XYLT1: variants seen among roughly 807,000 people sequenced by gnomAD.
XYLT1 encodes beta-D-xylosyltransferase 1.
In XYLT1, 36 loss-of-function variants were observed where a neutral mutation model predicts 91.3. The ratio of observed to expected loss-of-function variants is 0.39; its 90% CI spans 0.30 to 0.52. XYLT1 has a LOEUF of 0.52. Among genes scored for constraint, XYLT1 ranks in the 20% least tolerant of loss-of-function variants. The pLI, the probability that XYLT1 is intolerant of heterozygous loss-of-function variation, is 0.68. For missense variants in XYLT1, 1,242 were observed against 1,284.5 expected (o/e 0.97, Z 0.51); for synonymous variants, 588 against 532.0 (o/e 1.11, Z -1.45).
intron 1 of XYLT1, among the ~76,000 whole-genome samples, chr16:17,397,152 A>T (rs2035897074): frequency 6.6e-6 from 1 of 152,186 alleles, no homozygotes; most frequent in Admixed American, 6.5e-5. Context: ...GTGATCAGGG[A>T]AGGCTTCCTG....
At chr16:17,242,054 T>A (rs1016884440) in intron 3 of XYLT1, among the ~76,000 whole-genome samples, 1 of 152,178 alleles carries the variant, frequency 6.6e-6, no homozygotes, top group Non-Finnish European at 1.5e-5. Flanking sequence ...CTGGGACTTA[T>A]TCACCATCAT....
At chr16:17,391,024 C>A (rs1008534851) in intron 1 of XYLT1, among the ~76,000 whole-genome samples, 1 of 151,946 alleles carries the variant, frequency 6.6e-6, no homozygotes, top group African/African-American at 2.4e-5. Flanking sequence ...GGCGACAGAG[C>A]GAGACTCCTT....
intron 2 of XYLT1, among the ~76,000 whole-genome samples, chr16:17,357,033 C>T (rs893220754): frequency 1.1e-4 from 17 of 151,700 alleles, no homozygotes; most frequent in South Asian, 2.1e-4. Context: ...AAAAATTAGC[C>T]GGGCGTGGCA....
chr16:17,246,097 C>T (rs2033431484), intron 3 of XYLT1, among the ~76,000 whole-genome samples: 1 of 152,202 alleles, frequency 6.6e-6, no homozygotes, highest in Non-Finnish European at 1.5e-5. Flanking sequence ...AAGCCCCTTG[C>T]CACGCCACTG....
At position 17,394,066 on chromosome 16, in the gene XYLT1, C is replaced by T. The variant is rs148283243; in HGVS notation, c.364-36016G>A. Among the ~76,000 whole-genome samples, 112 of 152,250 alleles carry T rather than the reference C, an allele frequency of 7.4e-4. 1 individual carries two copies. In the East Asian group the frequency reaches 0.018, roughly 25 times the overall value. On this transcript the variant is annotated intron_variant, in intron 1 of 11. Transcript: ENST00000261381. ...CTGGCATTACAGGCATGAGCCACCA[C>T]GCCCGGCCAATTGATTTTTTTTTAA...
chr16:17,444,463 G>A (rs540069560), intron 1 of XYLT1, among the ~76,000 whole-genome samples: 7 of 151,572 alleles, frequency 4.6e-5, no homozygotes, highest in African/African-American at 1.5e-4. Context: ...AACCTCCCAA[G>A]AAGTTGGGAC....
intron 2 of XYLT1, among the ~76,000 whole-genome samples, chr16:17,326,138 C>G (rs548022728): frequency 1.3e-5 from 2 of 152,128 alleles, no homozygotes; most frequent in African/African-American, 4.8e-5. Flanking sequence ...CTCTAAAAGT[C>G]TCGTGTCCCC....
chr16:17,153,963 A>C (rs1411402946), intron 6 of XYLT1, among the ~76,000 whole-genome samples: 1 of 152,216 alleles, frequency 6.6e-6, no homozygotes, highest in Non-Finnish European at 1.5e-5. Context: ...AGTCAGACGG[A>C]ACCAGGTTCC....
intron 1 of XYLT1, among the ~76,000 whole-genome samples, chr16:17,464,450 C>A (rs2036861078): frequency 1.4e-5 from 2 of 147,634 alleles, no homozygotes; most frequent in African/African-American, 2.5e-5. Flanking sequence ...CAAGATTGTG[C>A]CACTGCACTC....
chr16:17,258,677 A>C (rs946006869), intron 3 of XYLT1, among the ~76,000 whole-genome samples: 1 of 152,236 alleles, frequency 6.6e-6, no homozygotes, highest in African/African-American at 2.4e-5. Context: ...AAACGAAACC[A>C]TATCAATACA....
Position 17,158,904 on chromosome 16 carries a change from T to C in XYLT1, c.1295A>G (p.Asn432Ser). The C allele has an allele frequency of 6.2e-7, 1 of 1,614,108 alleles. No individual in the cohort carries two copies. The highest frequency in any genetic ancestry group is 8.5e-7 in the Non-Finnish European group (1 of 1,180,004). ...LSAADYPIRT[N>S]DQLVAFLSRY... ...GGAGAGAAACGCCACCAACTGGTCATTTGTCCTGTGGAAACAAACCAAGGG... is the reference window on the plus strand; with the variant it reads ...GGAGAGAAACGCCACCAACTGGTCACTTGTCCTGTGGAAACAAACCAAGGG... Residue 432 changes from asparagine (N) to serine (S), a missense_variant, in exon 6 of 12, where the codon AAT becomes AGT. Around this residue, in one of 3 missense-constraint regions of XYLT1, gnomAD observed 294 missense variants for 376.0 expected, o/e 0.78. Transcript: ENST00000261381.
intron 2 of XYLT1, among the ~76,000 whole-genome samples, chr16:17,336,130 G>A (rs751912608): frequency 1.2e-4 from 19 of 152,218 alleles, no homozygotes; most frequent in African/African-American, 3.1e-4. Context: ...AGGGCAGAGC[G>A]TGGAAGGCAG....
intron 1 of XYLT1, among the ~76,000 whole-genome samples, chr16:17,380,482 T>G (rs2035666138): frequency 6.6e-6 from 1 of 152,190 alleles, no homozygotes; most frequent in South Asian, 2.1e-4. Context: ...AGTCTCCTAT[T>G]TTATATCCTT....
In XYLT1 at chr16:17,117,729, A is replaced by C; in HGVS notation, c.2474T>G (p.Ile825Ser). 6.2e-7 allele frequency: 1 copy of C among 1,614,166 alleles called. No homozygotes were observed. Among genetic ancestry groups the C allele is most frequent in the Non-Finnish European group, 8.5e-7 (1 of 1,180,024 alleles). ...PLRPGVWTVK[I>S]LHHWVPVAET... is the part of the protein sequence containing the mutation. The stretch of plus-strand genomic sequence containing the variant: ...TGCAACTGGCACCCAGTGGTGGAGA[A>C]TTTTCACTGTCCAGACCCCAGGCCT... The change falls in exon 11 of 12, where the codon ATT becomes AGT. Residue 825 changes from isoleucine to serine, a missense_variant. This residue lies in a region of XYLT1 where 511 missense variants were observed against 497.0 expected (regional missense o/e 1.03). Coordinates refer to ENST00000261381, the MANE Select transcript of XYLT1 (RefSeq NM_022166.4).
At chr16:17,245,862 CGGCT>C (rs566936315) in intron 3 of XYLT1, among the ~76,000 whole-genome samples, 86 of 152,320 alleles carry the variant, frequency 5.6e-4, no homozygotes, top group African/African-American at 2.0e-3. Flanking sequence ...GAGGTAACCG[CGGCT>C]GGCTATTTCT....
At chr16:17,244,085 G>A (rs765186313) in intron 3 of XYLT1, among the ~76,000 whole-genome samples, 20 of 152,238 alleles carry the variant, frequency 1.3e-4, no homozygotes, top group Non-Finnish European at 2.1e-4. Flanking sequence ...CAGACGTCCC[G>A]AGGGGCTCAG....
intron 1 of XYLT1, among the ~76,000 whole-genome samples, chr16:17,421,850 T>G (rs970329845): frequency 1.3e-5 from 2 of 152,164 alleles, no homozygotes; most frequent in African/African-American, 4.8e-5. Context: ...TTAACATTTT[T>G]TTTTCAAGAC....
chr16:17,132,532 AGTAC>A (rs2030524940), intron 9 of XYLT1, among the ~76,000 whole-genome samples: 1 of 39,250 alleles, frequency 2.5e-5, no homozygotes, highest in Admixed American at 3.0e-4. Flanking sequence ...CTGAGCAGTT[AGTAC>A]ATGGCAACTG....
intron 5 of XYLT1, among the ~76,000 whole-genome samples, chr16:17,169,936 C>G (rs1434239000): frequency 6.6e-6 from 1 of 152,174 alleles, no homozygotes; most frequent in African/African-American, 2.4e-5. Flanking sequence ...AGTAGGAAAG[C>G]CAAGACACGG....
Sources: gnomAD v4.1 joint callset for allele counts (sites outside exome capture counted in the v4.1 genomes callset) on GRCh38, gnomAD v4.1.1 for gene constraint, gnomAD v4.1.1 regional missense constraint, MANE v1.5 for transcripts, NCBI Gene and HGNC (gene_info 2026-07-23, HGNC 2026-07-21) for gene names.